The following TBC1D10C variants were observed in gnomAD, a reference collection of about 807,000 sequenced individuals.
TBC1D10C encodes carabin.
In TBC1D10C, 49 loss-of-function variants were observed where a neutral mutation model predicts 51.0. The observed-to-expected ratio is 0.96, with a 90% CI of 0.76 to 1.22. TBC1D10C has a LOEUF of 1.22. Ranked by LOEUF, TBC1D10C falls within the 50% of genes most tolerant of loss-of-function variation. TBC1D10C has a pLI of 0.00. For missense variants in TBC1D10C, 541 were observed against 617.5 expected (o/e 0.88, Z 1.31); for synonymous variants, 281 against 266.7 (o/e 1.05, Z -0.52).
At chr11:67,408,949 C>T (rs1337413247) in intron 7 of TBC1D10C, 30 bp from the exon 8 acceptor site, 1 of 1,527,680 alleles carries the variant, frequency 6.5e-7, no homozygotes, top group Non-Finnish European at 8.8e-7. Context: ...GCAGGGCCGG[C>T]CTCCCAGTGA....
At chr11:67,406,177 T>A in intron 5 of TBC1D10C, 160 bp downstream of exon 5, 1 of 607,198 alleles carries the variant, frequency 1.6e-6, no homozygotes, top group Non-Finnish European at 2.8e-6. Context: ...CCTTCAAGCC[T>A]AATGACCTTG....
chr11:67,409,293 C>T, intron 8 of TBC1D10C, 114 bp from the exon 9 acceptor site: 1 of 1,388,640 alleles, frequency 7.2e-7, no homozygotes, highest in Admixed American at 2.6e-5. Flanking sequence ...TTCTGTGGCT[C>T]CCCAGTGAGG....
chr11:67,406,569 C>T, intron 5 of TBC1D10C, 58 bp from the exon 6 acceptor site: 1 of 1,470,726 alleles, frequency 6.8e-7, no homozygotes. Context: ...CCTGCCTTCT[C>T]CTCCACGGTC....
In TBC1D10C at chr11:67,404,379, C is replaced by T. The variant is rs200389918; in HGVS notation, c.152+25C>T. 188 of 1,540,288 alleles carry T rather than the reference C, an allele frequency of 1.2e-4. No individual in the cohort carries two copies. The African/African-American group carries it at 2.1e-3, about 17-fold the overall frequency. ...GGTAAGGGGGCAGGGTGAGGGCTGG[C>T]GGAATGCTGGGACAGAGGACAGGGG... On this transcript the variant is annotated intron_variant, in intron 1 of 8. Coordinates refer to ENST00000542590, the MANE Select transcript of TBC1D10C (RefSeq NM_001369496.1).
chr11:67,407,797 G>C (rs552594512), intron 7 of TBC1D10C: 1 of 152,306 alleles, frequency 6.6e-6, no homozygotes, highest in Non-Finnish European at 1.5e-5. Context: ...TGTGAGGTCT[G>C]GAGGTTGCAC....
chr11:67,405,077 A>G lies in TBC1D10C; in HGVS notation c.153-8A>G, dbSNP rs1590943409. 1 of 1,549,104 alleles carries G rather than the reference A, an allele frequency of 6.5e-7. No individual in the cohort carries two copies. Among genetic ancestry groups the G allele is most frequent in the Non-Finnish European group, 8.7e-7 (1 of 1,146,044 alleles). On this transcript the variant is annotated splice_region_variant and splice_polypyrimidine_tract_variant and intron_variant, in intron 1 of 8. Coordinates refer to ENST00000542590, the MANE Select transcript of TBC1D10C (RefSeq NM_001369496.1). ...CAGCGTCTGGATACCTGTGCCATGC[A>G]CCCCCAGGCCGGGCCACCCACCTGC...
rs1408066306 is a variant in TBC1D10C, at chr11:67,409,628, G to A, written c.1215G>A (p.Pro405=). The change falls in exon 9 of 9, where the codon CCG becomes CCA. Residue 405 remains proline, a synonymous_variant. Coordinates refer to ENST00000542590, the MANE Select transcript of TBC1D10C (RefSeq NM_001369496.1). ...AGCCCCCGGAGGAGCCCAGACCACCGCGGCGGAAACCCCAGACCCGCGGCA... is the reference window on the plus strand; with the variant it reads ...AGCCCCCGGAGGAGCCCAGACCACCACGGCGGAAACCCCAGACCCGCGGCA... ...VVQPPEEPRP[P]RRKPQTRGKT... The A allele has an allele frequency of 1.8e-5, 29 of 1,576,476 alleles. No individual in the cohort carries two copies. Among genetic ancestry groups the A allele is most frequent in the Non-Finnish European group, 2.1e-5 (24 of 1,162,244 alleles).
chr11:67,405,600 G>A lies in TBC1D10C; in HGVS notation c.366G>A (p.Leu122=), dbSNP rs1289248974. 6.2e-7 allele frequency: 1 copy of A among 1,614,010 alleles called. No homozygotes were observed. Among genetic ancestry groups the A allele is most frequent in the African/African-American group, 1.3e-5 (1 of 75,064 alleles). The change falls in exon 4 of 9, where the codon CTG becomes CTA. Residue 122 remains leucine (L), a synonymous_variant. Transcript: ENST00000542590. ...QKNSPGTYQE[L]AEAPGDPQWM... ...ACCTTCCTGGCTACCCACAGGAGCT[G>A]GCAGAGGCCCCTGGAGACCCACAGT...
chr11:67,409,556 A>G lies in TBC1D10C; in HGVS notation c.1143A>G (p.Ala381=). ...AQAIFEAQQL[A]GVRRGAKPEV... is the part of the protein sequence containing the mutation. ...CCATCTTTGAGGCCCAGCAGCTGGCAGGAGTGCGACGAGGCGCCAAGCCTG... is the reference window on the plus strand; with the variant it reads ...CCATCTTTGAGGCCCAGCAGCTGGCGGGAGTGCGACGAGGCGCCAAGCCTG... Residue 381 remains alanine, a synonymous_variant, in exon 9 of 9, where the codon GCA becomes GCG. Coordinates refer to ENST00000542590, the MANE Select transcript of TBC1D10C (RefSeq NM_001369496.1). 1 of 1,548,856 alleles carries G rather than the reference A, an allele frequency of 6.5e-7. No individual in the cohort carries two copies. Among genetic ancestry groups the G allele is most frequent in the Non-Finnish European group, 8.7e-7 (1 of 1,146,672 alleles).
At chr11:67,403,969 T>C, upstream of TBC1D10C, 1 of 428,694 alleles carries the variant, frequency 2.3e-6, no homozygotes, top group Non-Finnish European at 4.1e-6. Flanking sequence ...TGAGCTGGGC[T>C]GGTGGGGACA....
chr11:67,404,493 G>A lies in TBC1D10C; in HGVS notation c.152+139G>A. On this transcript the variant is annotated intron_variant, in intron 1 of 8. Transcript: ENST00000542590. ...CAGCCAGTAGCACCCCTCTGCAGGTGCCAGGTGGAACCCTAAGGTGGGAAG... is the reference window on the plus strand; with the variant it reads ...CAGCCAGTAGCACCCCTCTGCAGGTACCAGGTGGAACCCTAAGGTGGGAAG... The A allele has an allele frequency of 4.3e-6, 4 of 927,298 alleles. No homozygotes were observed. In the South Asian group the frequency reaches 7.8e-5, roughly 18 times the overall value. 57.4% of individuals were successfully genotyped at this position (927,298 alleles called of 1,614,324 possible). A position where few individuals can be genotyped will look rare whatever the true frequency, so the allele number is the denominator to read the frequency against.
Position 67,404,096 on chromosome 11 carries a change from A to G in TBC1D10C, c.-107A>G. 1 of 1,337,890 alleles carries G rather than the reference A, an allele frequency of 7.5e-7. No homozygotes were observed. The highest frequency in any genetic ancestry group is 9.7e-7 in the Non-Finnish European group (1 of 1,028,228). The allele number at this position is 1,337,890 out of a possible 1,614,324, so 82.9% of individuals were successfully genotyped here. A position where few individuals can be genotyped will look rare whatever the true frequency, so the allele number is the denominator to read the frequency against. ...AGGGGGCTTGGTGAGATACCCTGAA[A>G]CCTCCCCCCTCTGACCCCGCAGCCA... On this transcript the variant is annotated 5_prime_UTR_variant, in exon 1 of 9. Transcript: ENST00000542590.
intron 1 of TBC1D10C, 159 bp from the exon 2 acceptor site, chr11:67,404,926 G>T: frequency 1.6e-6 from 1 of 627,018 alleles, no homozygotes. Context: ...CTGTCCCCGT[G>T]ACAAGCATTG....
chr11:67,408,995 C>T lies in TBC1D10C; in HGVS notation c.855C>T (p.Phe285=), dbSNP rs746085011. The T allele has an allele frequency of 3.2e-6, 5 of 1,561,116 alleles. No homozygotes were observed. Among genetic ancestry groups the T allele is most frequent in the Non-Finnish European group, 3.5e-6 (4 of 1,154,724 alleles). The change falls in exon 8 of 9, where the codon TTC becomes TTT. Residue 285 remains phenylalanine (F), a synonymous_variant. Transcript: ENST00000542590. The part of the protein sequence containing the change: ...AFLSEGARVL[F]RVGLTLVRLA... ...GGCCTGCAGGTGCCAGAGTACTGTT[C>T]CGTGTGGGGCTGACACTGGTGCGCC...
intron 1 of TBC1D10C, 88 bp from the exon 2 acceptor site, chr11:67,404,997 G>A: frequency 8.2e-7 from 1 of 1,226,136 alleles, no homozygotes. Context: ...GCCAGGAGCT[G>A]GGTTCACCTG....
chr11:67,404,151 A>C lies in TBC1D10C; in HGVS notation c.-52A>C. On this transcript the variant is annotated 5_prime_UTR_variant, in exon 1 of 9. Transcript: ENST00000542590. ...CCAGGCTGGCCGGGAGTGGCCCCTC[A>C]CACTGGTTCTCCCCACTTTCTCTGC... 3 of 1,428,212 alleles carry C rather than the reference A, an allele frequency of 2.1e-6. No individual in the cohort carries two copies. Among genetic ancestry groups the C allele is most frequent in the Non-Finnish European group, 2.8e-6 (3 of 1,088,612 alleles). 88.5% of individuals were successfully genotyped at this position (1,428,212 alleles called of 1,614,324 possible).
Position 67,409,746 on chromosome 11 carries a change from C to T in TBC1D10C, c.1333C>T (p.Arg445Cys), listed in dbSNP as rs766920321. ...QRGSTSFLDTRF is the reference protein window; with the variant it reads ...QRGSTSFLDTCF Reference sequence around the variant, plus strand: ...AGGCTCCACCTCCTTCCTGGACACCCGCTTCTGAGAGGACCATGGACTTAG... The same window carrying T: ...AGGCTCCACCTCCTTCCTGGACACCTGCTTCTGAGAGGACCATGGACTTAG... The change falls in exon 9 of 9, where the codon CGC becomes TGC. Residue 445 changes from arginine to cysteine, a missense_variant. Arg to Cys is a radical substitution (Grantham distance 180, BLOSUM62 -3). Coordinates refer to ENST00000542590, the MANE Select transcript of TBC1D10C (RefSeq NM_001369496.1). The T allele has an allele frequency of 5.0e-6, 8 of 1,584,326 alleles. No homozygotes were observed. The highest frequency in any genetic ancestry group is 6.8e-6 in the Non-Finnish European group (8 of 1,175,302).
Position 67,409,873 on chromosome 11 carries a change from A to G in TBC1D10C, c.*119A>G. Reference sequence around the variant, plus strand: ...GGACTTGGCTTCCTTCCTGGCAAGGACCAGGCAGTGGGGAAGGAGGAGGTC... The same window carrying G: ...GGACTTGGCTTCCTTCCTGGCAAGGGCCAGGCAGTGGGGAAGGAGGAGGTC... On this transcript the variant is annotated 3_prime_UTR_variant, in exon 9 of 9. Coordinates refer to ENST00000542590, the MANE Select transcript of TBC1D10C (RefSeq NM_001369496.1). 1.1e-6 allele frequency: 1 copy of G among 879,902 alleles called. No individual in the cohort carries two copies. Among genetic ancestry groups the G allele is most frequent in the South Asian group, 1.8e-5 (1 of 56,826 alleles). 54.5% of individuals were successfully genotyped at this position (879,902 alleles called of 1,614,324 possible).
In TBC1D10C at chr11:67,410,050, G is replaced by A. The variant is rs1863389874; in HGVS notation, c.*296G>A. 1 of 364,290 alleles carries A rather than the reference G, an allele frequency of 2.7e-6. No individual in the cohort carries two copies. The highest frequency in any genetic ancestry group is 4.2e-5 in the South Asian group (1 of 23,942). 22.6% of individuals were successfully genotyped at this position (364,290 alleles called of 1,614,324 possible). A position where few individuals can be genotyped will look rare whatever the true frequency, so the allele number is the denominator to read the frequency against. The stretch of plus-strand genomic sequence containing the variant: ...AGGGAAGGGGTTGGCTGAGTCAAGG[G>A]ACCCCAGAGGGCACCAGGAATAAAA... On this transcript the variant is annotated 3_prime_UTR_variant, in exon 9 of 9. Coordinates refer to ENST00000542590, the MANE Select transcript of TBC1D10C (RefSeq NM_001369496.1).
Sources: gnomAD v4.1 joint callset for allele counts on GRCh38, gnomAD v4.1.1 for gene constraint, MANE v1.5 for transcripts, NCBI Gene and HGNC (gene_info 2026-07-23, HGNC 2026-07-21) for gene names.